Variants in CADM2 observed in about 807,000 individuals in gnomAD.
CADM2 encodes the protein immunoglobulin superfamily member 4D.
Under a neutral mutation model 49.8 loss-of-function variants are expected in CADM2, and 12 were observed. The ratio of observed to expected loss-of-function variants is 0.24; its 90% CI spans 0.15 to 0.39. The LOEUF (loss-of-function observed/expected upper bound fraction) is 0.39. CADM2 is among the 10% of genes least tolerant of loss of function. CADM2 has a pLI of 1.00. For missense variants in CADM2, 378 were observed against 492.3 expected (o/e 0.77, Z 2.20); for synonymous variants, 214 against 175.4 (o/e 1.22, Z -1.74).
chr3:85,203,869 A>C (rs1352378390), intron 1 of CADM2, among the ~76,000 whole-genome samples: 2 of 152,210 alleles, frequency 1.3e-5, no homozygotes, highest in Non-Finnish European at 2.9e-5. Flanking sequence ...ATTGCCAATA[A>C]AAATCTTTTA....
At chr3:85,376,375 A>G (rs1245783477) in intron 1 of CADM2, among the ~76,000 whole-genome samples, 1 of 152,136 alleles carries the variant, frequency 6.6e-6, no homozygotes, top group Non-Finnish European at 1.5e-5. Flanking sequence ...TAATAGGTTG[A>G]TTAATTTAAA....
At chr3:85,842,917 T>G (rs2074704072) in intron 3 of CADM2, among the ~76,000 whole-genome samples, 2 of 152,104 alleles carry the variant, frequency 1.3e-5, no homozygotes, top group African/African-American at 4.8e-5. Flanking sequence ...GAGAGCAGAT[T>G]AAAAATATTT....
chr3:85,972,945 T>C (rs562374071), intron 8 of CADM2, among the ~76,000 whole-genome samples: 1 of 151,886 alleles, frequency 6.6e-6, no homozygotes, highest in South Asian at 2.1e-4. Context: ...TATTTAGAGC[T>C]CTAACACTTT....
At chr3:85,565,547 C>A (rs2062231220) in intron 1 of CADM2, among the ~76,000 whole-genome samples, 1 of 151,960 alleles carries the variant, frequency 6.6e-6, no homozygotes, top group African/African-American at 2.4e-5. Context: ...ATTATGTAGG[C>A]CAACTTTTCC....
intron 1 of CADM2, among the ~76,000 whole-genome samples, chr3:85,090,058 TTA>T (rs1437913281): frequency 6.6e-6 from 1 of 152,088 alleles, no homozygotes; most frequent in Non-Finnish European, 1.5e-5. Context: ...AATATTGAAA[TTA>T]TGTTTAAATG....
At chr3:85,866,591 A>C (rs1043690388) in intron 3 of CADM2, among the ~76,000 whole-genome samples, 1 of 152,166 alleles carries the variant, frequency 6.6e-6, no homozygotes, top group African/African-American at 2.4e-5. Flanking sequence ...AGCTCTTAAA[A>C]ATCAGTACAG....
chr3:85,060,709 C>T (rs1340639661), intron 1 of CADM2, among the ~76,000 whole-genome samples: 3 of 151,992 alleles, frequency 2.0e-5, no homozygotes, highest in Non-Finnish European at 2.9e-5. Context: ...TTGGAATTCT[C>T]ATTTTATGAT....
intron 1 of CADM2, among the ~76,000 whole-genome samples, chr3:85,326,947 AT>A (rs146004301): frequency 1.0e-3 from 157 of 150,724 alleles, no homozygotes; most frequent in Middle Eastern, 6.9e-3. Flanking sequence ...GATTAGATCA[AT>A]TTTTTTTTTA....
intron 1 of CADM2, among the ~76,000 whole-genome samples, chr3:85,589,215 T>G (rs1008929035): frequency 2.6e-5 from 4 of 152,002 alleles, no homozygotes; most frequent in Non-Finnish European, 5.9e-5. Flanking sequence ...CTGTTTTGCT[T>G]GACTAACTGC....
intron 1 of CADM2, among the ~76,000 whole-genome samples, chr3:85,591,465 A>C (rs1311583601): frequency 6.6e-6 from 1 of 151,940 alleles, no homozygotes; most frequent in African/African-American, 2.4e-5. Context: ...TTTTTTGCAG[A>C]TTTATGGTGA....
intron 1 of CADM2, among the ~76,000 whole-genome samples, chr3:85,441,883 A>G (rs2037218110): frequency 6.6e-6 from 1 of 152,112 alleles, no homozygotes; most frequent in Non-Finnish European, 1.5e-5. Flanking sequence ...TAGAAGAAAA[A>G]AAGATGAGGA....
At chr3:85,926,568 C>A (rs544372021) in intron 6 of CADM2, among the ~76,000 whole-genome samples, 1 of 151,884 alleles carries the variant, frequency 6.6e-6, no homozygotes, top group Non-Finnish European at 1.5e-5. Flanking sequence ...AATAATATTG[C>A]GATAAGGCAA....
intron 3 of CADM2, among the ~76,000 whole-genome samples, chr3:85,848,760 G>C (rs2074979793): frequency 1.3e-5 from 2 of 152,174 alleles, no homozygotes; most frequent in Admixed American, 6.5e-5. Context: ...AGAATAACTG[G>C]AATAAATTAT....
At chr3:85,242,099 AG>A (rs1215449390) in intron 1 of CADM2, among the ~76,000 whole-genome samples, 1 of 151,048 alleles carries the variant, frequency 6.6e-6, no homozygotes, top group Non-Finnish European at 1.5e-5. Context: ...TTTGGGAATC[AG>A]AAGAGCCTAT....
At chr3:85,416,446 G>C (rs1259909238) in intron 1 of CADM2, among the ~76,000 whole-genome samples, 1 of 152,124 alleles carries the variant, frequency 6.6e-6, no homozygotes, top group East Asian at 1.9e-4. Flanking sequence ...ATTTTCAAGG[G>C]ATATTAGAAA....
chr3:85,756,692 GT>G (rs566827381), intron 2 of CADM2, among the ~76,000 whole-genome samples: 45 of 152,102 alleles, frequency 3.0e-4, no homozygotes, highest in African/African-American at 1.1e-3. Flanking sequence ...CAAAATATTA[GT>G]TTTCTTTCAA....
chr3:85,899,349 TTATACA>T (rs772271796), intron 5 of CADM2, among the ~76,000 whole-genome samples: 5 of 152,158 alleles, frequency 3.3e-5, no homozygotes, highest in Admixed American at 6.5e-5. Flanking sequence ...ATCACAAAAA[TTATACA>T]TATACATTTT....
intron 1 of CADM2, among the ~76,000 whole-genome samples, chr3:85,107,292 TAAA>T (rs1046218241): frequency 6.6e-5 from 10 of 152,054 alleles, no homozygotes; most frequent in Admixed American, 1.3e-4. Flanking sequence ...GTTTTGGTAA[TAAA>T]AAGAAGAATG....
chr3:85,785,176 T>A lies in CADM2; in HGVS notation c.89-16871T>A, dbSNP rs1018647041. 7.2e-5 allele frequency among the ~76,000 whole-genome samples: 11 copies of A among 152,238 alleles called. No homozygotes were observed. In the Middle Eastern group the frequency reaches 0.01, roughly 141 times the overall value. On this transcript the variant is annotated intron_variant, in intron 2 of 9. Coordinates refer to ENST00000383699, the MANE Select transcript of CADM2 (RefSeq NM_001167675.2). Reference sequence around the variant, plus strand: ...CATTTACTTGGGTCTTTTTTCTGTTTTCCTCAATCTGGCTAAAGGTTGGTC... The same window carrying A: ...CATTTACTTGGGTCTTTTTTCTGTTATCCTCAATCTGGCTAAAGGTTGGTC...
Sources: allele counts gnomAD v4.1 joint callset (sites outside exome capture counted in the v4.1 genomes callset), GRCh38; gene constraint gnomAD v4.1.1; transcripts MANE v1.5; gene names NCBI Gene and HGNC (gene_info 2026-07-23, HGNC 2026-07-21).